DEPTOR: variants seen among roughly 807,000 people sequenced by gnomAD.
DEPTOR encodes the protein DEP domain containing MTOR interacting protein.
Under a neutral mutation model 41.6 loss-of-function variants are expected in DEPTOR, and 41 were observed. The observed-to-expected ratio is 0.98, with a 90% CI of 0.77 to 1.28. The LOEUF is 1.28. Among genes scored for constraint, DEPTOR ranks in the 50% most tolerant of loss-of-function variants. The pLI is 0.00. For missense variants in DEPTOR, 514 were observed against 527.9 expected (o/e 0.97, Z 0.26); for synonymous variants, 195 against 192.3 (o/e 1.01, Z -0.12).
At chr8:119,947,728 A>G (rs1302906485) in intron 3 of DEPTOR, among the ~76,000 whole-genome samples, 1 of 152,170 alleles carries the variant, frequency 6.6e-6, no homozygotes, top group African/African-American at 2.4e-5. Context: ...CTGTTGCCAT[A>G]ATGAAAGTGA....
chr8:120,034,105 G>A (rs1482917608), intron 8 of DEPTOR, among the ~76,000 whole-genome samples: 1 of 152,028 alleles, frequency 6.6e-6, no homozygotes, highest in Non-Finnish European at 1.5e-5. Flanking sequence ...TCTCCCCTGG[G>A]GGCATCCAGC....
At chr8:119,878,563 G>A (rs1008077509) in intron 1 of DEPTOR, among the ~76,000 whole-genome samples, 32 of 151,580 alleles carry the variant, frequency 2.1e-4, no homozygotes, top group South Asian at 8.3e-4. Context: ...TCTTGACCTC[G>A]TGATCCGCCC....
chr8:120,023,200 C>A (rs2130143574), intron 8 of DEPTOR, among the ~76,000 whole-genome samples: 1 of 152,152 alleles, frequency 6.6e-6, no homozygotes, highest in African/African-American at 2.4e-5. Flanking sequence ...AGGGTCCCAC[C>A]TTTATAACCT....
intron 8 of DEPTOR, among the ~76,000 whole-genome samples, chr8:120,038,332 G>T (rs1380416156): frequency 6.6e-6 from 1 of 150,654 alleles, no homozygotes; most frequent in Non-Finnish European, 1.5e-5. Context: ...TGGCACAAAG[G>T]CTCAGGCCTG....
At chr8:119,923,767 A>G (rs1312877371) in intron 1 of DEPTOR, among the ~76,000 whole-genome samples, 1 of 151,762 alleles carries the variant, frequency 6.6e-6, no homozygotes, top group Admixed American at 6.6e-5. Flanking sequence ...AAAATTTTTT[A>G]TAGTTCAGAC....
intron 1 of DEPTOR, among the ~76,000 whole-genome samples, chr8:119,917,686 C>A (rs1827831466): frequency 6.6e-6 from 1 of 152,170 alleles, no homozygotes; most frequent in Non-Finnish European, 1.5e-5. Flanking sequence ...AAGGGAAAGA[C>A]CTGACCTTTC....
intron 8 of DEPTOR, among the ~76,000 whole-genome samples, chr8:120,019,354 T>C (rs1812661224): frequency 1.3e-5 from 2 of 152,090 alleles, no homozygotes. Flanking sequence ...GTGTATAGAT[T>C]GGTAAGTTTA....
chr8:120,034,437 C>CTTTT (rs1563598678), intron 8 of DEPTOR, among the ~76,000 whole-genome samples: 11 of 129,398 alleles, frequency 8.5e-5, no homozygotes, highest in African/African-American at 3.0e-4. Flanking sequence ...CTTTTTTTTC[C>CTTTT]TTTTTCTTTT....
intron 1 of DEPTOR, among the ~76,000 whole-genome samples, chr8:119,889,683 GGAC>G (rs1455467145): frequency 1.5e-5 from 2 of 137,182 alleles, no homozygotes; most frequent in Non-Finnish European, 3.2e-5. Context: ...GAGGAGGGGA[GGAC>G]AGGGGAGAGG....
At chr8:119,938,227 A>T (rs1209047337) in intron 3 of DEPTOR, among the ~76,000 whole-genome samples, 1 of 152,192 alleles carries the variant, frequency 6.6e-6, no homozygotes, top group East Asian at 1.9e-4. Context: ...TTTTTGTGTA[A>T]TCAAGACTAC....
rs781158672 is a variant in DEPTOR, at chr8:120,003,087, C to G, written c.901C>G (p.Pro301Ala). The G allele has an allele frequency of 3.7e-6, 6 of 1,613,000 alleles. No homozygotes were observed. The highest frequency in any genetic ancestry group is 2.2e-5 in the East Asian group (1 of 44,824). ...CAGCCCCACCCTCAGCAGCAGCCCC[C>G]CTGTGCTCTGCAACCCCAAGTCCGG... is the stretch of plus-strand genomic sequence containing the variant. ...SSSPTLSSSPPVLCNPKSVLK... is the reference protein window; with the variant it reads ...SSSPTLSSSPAVLCNPKSVLK... Residue 301 changes from proline (P) to alanine (A), a missense_variant, in exon 6 of 9, where the codon CCT (proline) becomes GCT (alanine). Pro to Ala is a conservative substitution (Grantham distance 27, BLOSUM62 -1). Coordinates refer to ENST00000286234, the MANE Select transcript of DEPTOR (RefSeq NM_022783.4).
At chr8:119,975,714 G>T (rs956427494) in intron 4 of DEPTOR, among the ~76,000 whole-genome samples, 2 of 151,984 alleles carry the variant, frequency 1.3e-5, no homozygotes, top group African/African-American at 4.8e-5. Flanking sequence ...GAGGGGAAGG[G>T]AGCAGCAAGG....
chr8:120,026,784 G>A (rs1205924724), intron 8 of DEPTOR, among the ~76,000 whole-genome samples: 1 of 152,176 alleles, frequency 6.6e-6, no homozygotes. Flanking sequence ...ACTCACTTCA[G>A]GGCTTGGCCC....
chr8:120,001,539 C>A lies in DEPTOR; in HGVS notation c.619C>A (p.Pro207Thr). The A allele has an allele frequency of 1.2e-6, 2 of 1,610,798 alleles. No homozygotes were observed. Among genetic ancestry groups the A allele is most frequent in the Non-Finnish European group, 1.7e-6 (2 of 1,178,362 alleles). The change falls in exon 5 of 9, where the codon CCA (proline) becomes ACA (threonine). Residue 207 changes from proline to threonine, a missense_variant. Pro to Thr is a conservative substitution (Grantham distance 38). Transcript: ENST00000286234. ...TTTCTCCCCAGTGTCCAACAAGCAC[C>A]CATTTGTGGACAGCAATCTTCTCTA... ...GIIQHVSNKH[P>T]FVDSNLLYQF...
chr8:120,031,580 G>A lies in DEPTOR; in HGVS notation c.1102-17996G>A, dbSNP rs117249355. 1.4e-4 allele frequency among the ~76,000 whole-genome samples: 21 copies of A among 152,104 alleles called. No homozygotes were observed. The East Asian group carries it at 3.7e-3, about 27-fold the overall frequency. Reference sequence around the variant, plus strand: ...TATCCATCACCTCCCAAAGCTGACTGCACCCCATGCTTCCTCAGAGCTCCT... The same window carrying A: ...TATCCATCACCTCCCAAAGCTGACTACACCCCATGCTTCCTCAGAGCTCCT... On this transcript the variant is annotated intron_variant, in intron 8 of 8. Coordinates refer to ENST00000286234, the MANE Select transcript of DEPTOR (RefSeq NM_022783.4).
In DEPTOR at chr8:119,971,164, C is replaced by T. The variant is rs536562178; in HGVS notation, c.604+5754C>T. On this transcript the variant is annotated intron_variant, in intron 4 of 8. Coordinates refer to ENST00000286234, the MANE Select transcript of DEPTOR (RefSeq NM_022783.4). ...AGGATGATGGTGTGAACCTGGGAAG[C>T]GGAGCTTGTAGTGAGCGAAGATTGC... Among the ~76,000 whole-genome samples, 262 of 145,818 alleles carry T rather than the reference C, an allele frequency of 1.8e-3. 4 individuals are homozygous for T. The highest frequency in any genetic ancestry group is 3.3e-3 in the East Asian group (16 of 4,862).
Position 120,009,249 on chromosome 8 carries a change from C to G in DEPTOR, c.1101+116C>G, listed in dbSNP as rs1036283786. 2.0e-5 allele frequency: 17 copies of G among 859,622 alleles called. No individual in the cohort carries two copies. The African/African-American group carries it at 2.0e-4, about 10-fold the overall frequency. 53.2% of individuals were successfully genotyped at this position (859,622 alleles called of 1,614,324 possible). A position where few individuals can be genotyped will look rare whatever the true frequency, so the allele number is the denominator to read the frequency against. On this transcript the variant is annotated intron_variant, in intron 8 of 8. Coordinates refer to ENST00000286234, the MANE Select transcript of DEPTOR (RefSeq NM_022783.4). ...TCTTATTTTGTGTCCTTTTCTATTT[C>G]TGCCCTCTCTTTCTTGTTCTCCAAA...
chr8:119,981,644 C>A (rs1194816532), intron 4 of DEPTOR, among the ~76,000 whole-genome samples: 1 of 118,628 alleles, frequency 8.4e-6, no homozygotes, highest in Non-Finnish European at 1.8e-5. Flanking sequence ...CAGAGCAAGA[C>A]CCTATCTCAA....
At chr8:119,890,283 G>T (rs981009653) in intron 1 of DEPTOR, among the ~76,000 whole-genome samples, 3 of 147,080 alleles carry the variant, frequency 2.0e-5, no homozygotes, top group African/African-American at 7.8e-5. Context: ...GAGTTTTTTT[G>T]TTTGTTTGTT....
Sources: allele counts gnomAD v4.1 joint callset (sites outside exome capture counted in the v4.1 genomes callset), GRCh38; gene constraint gnomAD v4.1.1; transcripts MANE v1.5; gene names NCBI Gene and HGNC (gene_info 2026-07-23, HGNC 2026-07-21).